C1QTNF3: variants seen among roughly 807,000 people sequenced by gnomAD.
C1QTNF3 encodes complement C1q tumor necrosis factor-related protein 3.
C1QTNF3 carries 26 observed loss-of-function variants against 32.6 expected under a neutral mutation model. The ratio of observed to expected loss-of-function variants is 0.80; its 90% CI spans 0.58 to 1.11. The LOEUF (loss-of-function observed/expected upper bound fraction) is 1.11, where lower values mean the gene tolerates loss of function less well. C1QTNF3 is among the 50% of genes least tolerant of loss of function. C1QTNF3 has a pLI of 0.00. For synonymous variants in C1QTNF3, 155 were observed against 146.0 expected (o/e 1.06, Z -0.44); for missense variants, 362 against 398.2 (o/e 0.91, Z 0.77).
the C1QTNF3 span, among the ~76,000 whole-genome samples, chr5:34,215,127 GA>G: frequency 6.6e-6 from 1 of 152,170 alleles, no homozygotes; most frequent in African/African-American, 2.4e-5. Flanking sequence ...GGGTGGGATA[GA>G]AATCAGTACA....
chr5:34,239,718 T>C, the C1QTNF3 span, among the ~76,000 whole-genome samples: 22 of 152,278 alleles, frequency 1.4e-4, no homozygotes, highest in African/African-American at 4.3e-4. Flanking sequence ...GCTGGCAGCA[T>C]TGGATCATCA....
chr5:34,209,405 C>A, the C1QTNF3 span, among the ~76,000 whole-genome samples: 1 of 150,374 alleles, frequency 6.7e-6, no homozygotes. Flanking sequence ...CACATATACC[C>A]CTGAACTGAA....
At chr5:34,159,494 A>C in the C1QTNF3 span, among the ~76,000 whole-genome samples, 1 of 152,146 alleles carries the variant, frequency 6.6e-6, no homozygotes, top group Non-Finnish European at 1.5e-5. Flanking sequence ...TGTACAATTA[A>C]TTCTGTAAAA....
chr5:34,039,513 C>G (rs1256602193), intron 1 of C1QTNF3, among the ~76,000 whole-genome samples: 1 of 152,188 alleles, frequency 6.6e-6, no homozygotes, highest in African/African-American at 2.4e-5. Flanking sequence ...CAGCACCTCC[C>G]TCAGGGCTCA....
chr5:34,084,215 A>G, the C1QTNF3 span, among the ~76,000 whole-genome samples: 4 of 151,768 alleles, frequency 2.6e-5, no homozygotes, highest in Non-Finnish European at 5.9e-5. Flanking sequence ...CGTTCAGACA[A>G]AATATTTATT....
the C1QTNF3 span, among the ~76,000 whole-genome samples, chr5:34,118,080 T>C: frequency 6.6e-6 from 1 of 152,146 alleles, no homozygotes; most frequent in Non-Finnish European, 1.5e-5. Flanking sequence ...CTTTTTATCA[T>C]GTGATTCTTT....
chr5:34,218,547 A>C, the C1QTNF3 span: 1 of 152,470 alleles, frequency 6.6e-6, no homozygotes, highest in Non-Finnish European at 1.5e-5. Flanking sequence ...TTCTAAATTC[A>C]CCAATCTCAT....
At chr5:34,126,938 G>A in the C1QTNF3 span, among the ~76,000 whole-genome samples, 1 of 152,150 alleles carries the variant, frequency 6.6e-6, no homozygotes, top group African/African-American at 2.4e-5. Context: ...CTGTTAGCAT[G>A]ATAGTGATAG....
At chr5:34,203,138 G>A in the C1QTNF3 span, among the ~76,000 whole-genome samples, 2 of 152,098 alleles carry the variant, frequency 1.3e-5, no homozygotes, top group South Asian at 2.1e-4. Context: ...ACACATGAAA[G>A]TAGCAAACTC....
chr5:34,233,742 T>G, the C1QTNF3 span, among the ~76,000 whole-genome samples: 1 of 152,108 alleles, frequency 6.6e-6, no homozygotes, highest in Non-Finnish European at 1.5e-5. Flanking sequence ...TTGTAAACCA[T>G]TATTTTGCTT....
At chr5:34,074,044 G>C in the C1QTNF3 span, among the ~76,000 whole-genome samples, 1 of 152,096 alleles carries the variant, frequency 6.6e-6, no homozygotes, top group African/African-American at 2.4e-5. Context: ...ATATTATGTA[G>C]TAAGTAGCAT....
chr5:34,137,557 T>C, the C1QTNF3 span, among the ~76,000 whole-genome samples: 1 of 152,144 alleles, frequency 6.6e-6, no homozygotes, highest in African/African-American at 2.4e-5. Flanking sequence ...CAAAACACTA[T>C]ATGTGGGCAA....
the C1QTNF3 span, among the ~76,000 whole-genome samples, chr5:34,213,696 A>ATATATCTATGTGTATATATATGTG: frequency 2.4e-5 from 3 of 127,064 alleles, no homozygotes; most frequent in African/African-American, 9.3e-5. Context: ...GTGTGTGTGT[A>ATATATCTATGTGTATATATATGTG]TATATATATG....
At chr5:34,123,862 C>T in the C1QTNF3 span, among the ~76,000 whole-genome samples, 1 of 151,996 alleles carries the variant, frequency 6.6e-6, no homozygotes, top group Non-Finnish European at 1.5e-5. Context: ...TATACGTATG[C>T]GAGTGTATGT....
the C1QTNF3 span, among the ~76,000 whole-genome samples, chr5:34,171,202 G>C: frequency 6.6e-6 from 1 of 151,236 alleles, no homozygotes; most frequent in Admixed American, 6.6e-5. Context: ...GGTAGTTTTA[G>C]AGTTCAGGGT....
At chr5:34,108,612 T>G in the C1QTNF3 span, among the ~76,000 whole-genome samples, 1 of 151,984 alleles carries the variant, frequency 6.6e-6, no homozygotes, top group Non-Finnish European at 1.5e-5. Context: ...TTTTAAGTCT[T>G]AAGGAAGACA....
At chr5:34,202,470 T>C in the C1QTNF3 span, among the ~76,000 whole-genome samples, 1 of 152,360 alleles carries the variant, frequency 6.6e-6, no homozygotes, top group Admixed American at 6.5e-5. Context: ...ATAAATACAT[T>C]TTAAATTATT....
the C1QTNF3 span, among the ~76,000 whole-genome samples, chr5:34,229,817 T>C: frequency 1.3e-4 from 20 of 152,194 alleles, no homozygotes; most frequent in Non-Finnish European, 7.4e-5. Flanking sequence ...GGCAGTGTGA[T>C]AGTATCTGGA....
Position 34,033,356 on chromosome 5 carries a change from T to C in C1QTNF3, c.518A>G (p.Gln173Arg). 1 of 1,613,878 alleles carries C rather than the reference T, an allele frequency of 6.2e-7. No individual in the cohort carries two copies. The highest frequency in any genetic ancestry group is 8.5e-7 in the Non-Finnish European group (1 of 1,179,904). The change falls in exon 3 of 6, where the codon CAG (glutamine) becomes CGG (arginine). Residue 173 changes from glutamine (Q) to arginine (R), a missense_variant. Coordinates refer to ENST00000382065, the MANE Select transcript of C1QTNF3 (RefSeq NM_181435.6). ...GCCCTTCTCTCCTTTGGGGCCATGC[T>C]GCCCCCGCTCCCCTCGAGGCCCCAG... ...GDLGPRGERG[Q>R]HGPKGEKGYP...
Sources: allele counts gnomAD v4.1 joint callset (sites outside exome capture counted in the v4.1 genomes callset), GRCh38; gene constraint gnomAD v4.1.1; transcripts MANE v1.5; gene names NCBI Gene and HGNC (gene_info 2026-07-23, HGNC 2026-07-21).